Variants in NTF3 observed in about 807,000 individuals in gnomAD.
NTF3 encodes the protein neurotrophin 3, also known as neurotrophin-3.
In NTF3, 8 loss-of-function variants were observed where a neutral mutation model predicts 26.3. The observed-to-expected ratio is 0.30, with a 90% CI of 0.18 to 0.55. The LOEUF is 0.55. Ranked by LOEUF, NTF3 falls within the 20% of genes least tolerant of loss-of-function variation. NTF3 has a pLI of 0.93. For synonymous variants in NTF3, 154 were observed against 145.5 expected, an observed-to-expected ratio of 1.06 and a Z score of -0.42; for missense variants, 276 against 352.9, an observed-to-expected ratio of 0.78 and a Z score of 1.75.
intron 1 of NTF3, among the ~76,000 whole-genome samples, chr12:5,465,611 A>G (rs7294700): frequency 0.067 from 10,240 of 152,282 alleles, 419 homozygotes; most frequent in Middle Eastern, 0.13. Context: ...CTGTAGCCTG[A>G]TTTTACATTC....
rs921167206 is a variant in NTF3 at position 5,456,862 on chromosome 12, A to G, written c.18+24520A>G. 2.6e-5 allele frequency among the ~76,000 whole-genome samples: 4 copies of G among 152,188 alleles called. No individual in the cohort carries two copies. The highest frequency in any genetic ancestry group is 9.6e-5 in the African/African-American group (4 of 41,454). On this transcript the variant is annotated intron_variant, in intron 1 of 1. Transcript: ENST00000423158. This position sits in a 1 kb window ranked among gnomAD's most constrained non-coding sequence, Gnocchi z 4.4. ...GCCCGAGTTGACCCAGAGTCCCTAA[A>G]TGACTGCTGTGTAGCTACCATGAGT...
intron 1 of NTF3, among the ~76,000 whole-genome samples, chr12:5,465,927 T>C (rs778813240): frequency 2.0e-5 from 3 of 152,204 alleles, no homozygotes; most frequent in Admixed American, 6.5e-5. Context: ...CAGAAACTTC[T>C]CTTTATAGCT....
chr12:5,462,966 T>G (rs182324271), intron 1 of NTF3, among the ~76,000 whole-genome samples: 262 of 152,280 alleles, frequency 1.7e-3, no homozygotes, highest in Non-Finnish European at 1.3e-3. Flanking sequence ...TGTTTCTCAC[T>G]GATGGAGATG....
At chr12:5,486,986 A>G (rs1940874421) in intron 1 of NTF3, among the ~76,000 whole-genome samples, 1 of 152,104 alleles carries the variant, frequency 6.6e-6, no homozygotes, top group South Asian at 2.1e-4. Flanking sequence ...TTACCAAAAC[A>G]AATACCACTA....
At chr12:5,465,119 C>A (rs948842395) in intron 1 of NTF3, among the ~76,000 whole-genome samples, 1 of 152,190 alleles carries the variant, frequency 6.6e-6, no homozygotes, top group South Asian at 2.1e-4. Flanking sequence ...TATGTCCAAG[C>A]TCACATCTCC....
intron 1 of NTF3, among the ~76,000 whole-genome samples, chr12:5,478,904 G>C (rs1396528510): frequency 1.3e-5 from 2 of 152,194 alleles, no homozygotes; most frequent in Non-Finnish European, 2.9e-5. Flanking sequence ...TTGGATTCCA[G>C]CTGATCCTCC....
chr12:5,435,853 C>G (rs755694952), intron 1 of NTF3, among the ~76,000 whole-genome samples: 11 of 152,132 alleles, frequency 7.2e-5, no homozygotes, highest in South Asian at 2.1e-4. Flanking sequence ...TGCACATGCA[C>G]TTTGGCCTGG....
At chr12:5,486,466 T>C (rs1237824315) in intron 1 of NTF3, among the ~76,000 whole-genome samples, 1 of 152,236 alleles carries the variant, frequency 6.6e-6, no homozygotes, top group African/African-American at 2.4e-5. Context: ...TTATCATCAT[T>C]ATTATTAATT....
intron 1 of NTF3, among the ~76,000 whole-genome samples, chr12:5,475,570 C>T (rs1024011897): frequency 1.3e-5 from 2 of 152,114 alleles, no homozygotes; most frequent in African/African-American, 4.8e-5. Context: ...CATGGTGGCT[C>T]ACACCTGTAA....
intron 1 of NTF3, among the ~76,000 whole-genome samples, chr12:5,451,703 T>C (rs1332051293): frequency 6.6e-6 from 1 of 152,212 alleles, no homozygotes; most frequent in Admixed American, 6.5e-5. Context: ...TTTAATGTAA[T>C]TTTTAGAGAC....
intron 1 of NTF3, among the ~76,000 whole-genome samples, chr12:5,490,932 C>T (rs993051291): frequency 1.3e-4 from 20 of 152,240 alleles, no homozygotes; most frequent in Admixed American, 4.6e-4. Context: ...TGTGCACCAT[C>T]TCCCGTGGCC....
chr12:5,457,007 G>T (rs1004005676), intron 1 of NTF3, among the ~76,000 whole-genome samples: 1 of 152,106 alleles, frequency 6.6e-6, no homozygotes, highest in Non-Finnish European at 1.5e-5. Context: ...GAGCAGACAC[G>T]GTCTGTGCCT....
At position 5,433,976 on chromosome 12, in the gene NTF3, C is replaced by T. The variant is rs558398581; in HGVS notation, c.18+1634C>T. ...TTAAATAAAGAGGTGCCCGCTCCTA[C>T]CCCGCAAAACAGCGAACGAGGAGAA... On this transcript the variant is annotated intron_variant, in intron 1 of 1. Coordinates refer to ENST00000423158, the MANE Select transcript of NTF3 (RefSeq NM_001102654.2). This position sits in a 1 kb window ranked among gnomAD's most constrained non-coding sequence, Gnocchi z 4.6. Among the ~76,000 whole-genome samples, 44 of 152,316 alleles carry T rather than the reference C, an allele frequency of 2.9e-4. No homozygotes were observed. Among genetic ancestry groups the T allele is most frequent in the African/African-American group, 9.1e-4 (38 of 41,562 alleles).
chr12:5,454,171 C>T (rs993117542), intron 1 of NTF3, among the ~76,000 whole-genome samples: 1 of 152,212 alleles, frequency 6.6e-6, no homozygotes, highest in Non-Finnish European at 1.5e-5. Flanking sequence ...TCTGAAGGCC[C>T]AGGGAAGCAG....
At chr12:5,449,097 G>A (rs1001300062) in intron 1 of NTF3, among the ~76,000 whole-genome samples, 1 of 152,172 alleles carries the variant, frequency 6.6e-6, no homozygotes, top group Non-Finnish European at 1.5e-5. Flanking sequence ...ACACACAGAG[G>A]GTACCTGGAG....
chr12:5,470,026 T>G (rs1028726161), intron 1 of NTF3, among the ~76,000 whole-genome samples: 1 of 152,118 alleles, frequency 6.6e-6, no homozygotes, highest in African/African-American at 2.4e-5. Context: ...CCGGGTTCAC[T>G]CCATTCTCCT....
At chr12:5,467,121 T>C (rs1168723926) in intron 1 of NTF3, among the ~76,000 whole-genome samples, 2 of 149,584 alleles carry the variant, frequency 1.3e-5, no homozygotes, top group Non-Finnish European at 3.0e-5. Context: ...TCCCAGCTAC[T>C]CGGGAGGCTG....
At chr12:5,458,937 C>T (rs11615337) in intron 1 of NTF3, among the ~76,000 whole-genome samples, 3 of 152,076 alleles carry the variant, frequency 2.0e-5, no homozygotes, top group Non-Finnish European at 4.4e-5. Flanking sequence ...ATGCCCAAAC[C>T]CTTCTTCTAT....
chr12:5,440,288 A>T (rs1001201322), intron 1 of NTF3, among the ~76,000 whole-genome samples: 1 of 152,342 alleles, frequency 6.6e-6, no homozygotes, highest in African/African-American at 2.4e-5. Flanking sequence ...GCTTAAAATA[A>T]CCTTTCATGT....
Sources: allele counts gnomAD v4.1 joint callset (sites outside exome capture counted in the v4.1 genomes callset), GRCh38; gene constraint gnomAD v4.1.1; non-coding constraint Gnocchi (gnomAD v3.1); transcripts MANE v1.5; gene names NCBI Gene and HGNC (gene_info 2026-07-23, HGNC 2026-07-21).